CNTN4: variants seen among roughly 807,000 people sequenced by gnomAD.
CNTN4 encodes contactin 4.
Under a neutral mutation model 122.5 loss-of-function variants are expected in CNTN4, and 77 were observed. The observed-to-expected ratio is 0.63, with a 90% CI of 0.52 to 0.76. The LOEUF (loss-of-function observed/expected upper bound fraction) is 0.76. CNTN4 is among the 30% of genes least tolerant of loss of function. The pLI is 0.00. For synonymous variants in CNTN4, 512 were observed against 447.0 expected (o/e 1.15, Z -1.83); for missense variants, 1,256 against 1,259.1 (o/e 1.00, Z 0.04).
chr3:2,819,414 A>G, intron 6 of CNTN4, 72 bp from the exon 7 acceptor site: 1 of 1,176,384 alleles, frequency 8.5e-7, no homozygotes, highest in Non-Finnish European at 1.3e-6. Context: ...TCTCTTTTGA[A>G]ATAGTGGTAC....
chr3:2,131,380 A>G (rs2034445215), intron 2 of CNTN4, among the ~76,000 whole-genome samples: 1 of 152,204 alleles, frequency 6.6e-6, no homozygotes, highest in East Asian at 1.9e-4. Flanking sequence ...GTATCAGGTG[A>G]TGGAGTATCA....
rs370601336 is a variant in CNTN4 at position 2,276,526 on chromosome 3, G to C, written c.-144-62652G>C. Among the ~76,000 whole-genome samples, 5 of 152,228 alleles carry C rather than the reference G, an allele frequency of 3.3e-5. No homozygotes were observed. In the East Asian group the frequency reaches 9.7e-4, roughly 29 times the overall value. ...AAATTTGTCATGCTGGGTCAATTAA[G>C]TGGTAGGTATTTAGAAAGTAAGACT... On this transcript the variant is annotated intron_variant, in intron 2 of 24. Coordinates refer to ENST00000418658, the MANE Select transcript of CNTN4 (RefSeq NM_175607.3).
chr3:2,335,123 G>C (rs1034592433), intron 2 of CNTN4, among the ~76,000 whole-genome samples: 1 of 152,138 alleles, frequency 6.6e-6, no homozygotes, highest in Non-Finnish European at 1.5e-5. Flanking sequence ...TTTGTTCAAA[G>C]ATTGGACCCA....
At chr3:2,234,955 A>G (rs2039624865) in intron 2 of CNTN4, among the ~76,000 whole-genome samples, 1 of 152,136 alleles carries the variant, frequency 6.6e-6, no homozygotes, top group Non-Finnish European at 1.5e-5. Context: ...CTTGCTTTGA[A>G]CAGTATTGCC....
intron 13 of CNTN4, among the ~76,000 whole-genome samples, chr3:2,955,117 A>G (rs982740143): frequency 1.3e-5 from 2 of 152,202 alleles, no homozygotes; most frequent in Non-Finnish European, 1.5e-5. Context: ...CTTATGAAAC[A>G]TTACAAAGTT....
At chr3:2,413,139 C>G (rs1427059204) in intron 3 of CNTN4, among the ~76,000 whole-genome samples, 1 of 152,182 alleles carries the variant, frequency 6.6e-6, no homozygotes, top group East Asian at 1.9e-4. Context: ...ACTGTCTTCT[C>G]TAACCAAAAT....
intron 3 of CNTN4, among the ~76,000 whole-genome samples, chr3:2,521,549 G>A (rs2077220390): frequency 6.6e-6 from 1 of 151,992 alleles, no homozygotes; most frequent in African/African-American, 2.4e-5. Flanking sequence ...TTTTGAACAA[G>A]TTTTACAACT....
chr3:2,767,192 A>G (rs1319832856), intron 6 of CNTN4, among the ~76,000 whole-genome samples: 2 of 152,248 alleles, frequency 1.3e-5, no homozygotes, highest in African/African-American at 2.4e-5. Context: ...AAGTCTTCAC[A>G]CTTTAGAGCT....
intron 13 of CNTN4, among the ~76,000 whole-genome samples, chr3:2,983,212 T>A (rs773260388): frequency 2.9e-5 from 1 of 34,358 alleles, no homozygotes; most frequent in Non-Finnish European, 5.3e-5. Context: ...AGACTCCATC[T>A]CAAAAAAAAA....
intron 4 of CNTN4, among the ~76,000 whole-genome samples, chr3:2,579,409 C>CA (rs1462661041): frequency 3.3e-5 from 5 of 152,268 alleles, no homozygotes; most frequent in Non-Finnish European, 7.4e-5. Context: ...GGTATCATGC[C>CA]AAAAACACCA....
chr3:2,880,291 T>G (rs2093892249), intron 8 of CNTN4, among the ~76,000 whole-genome samples: 1 of 152,208 alleles, frequency 6.6e-6, no homozygotes, highest in Admixed American at 6.5e-5. Flanking sequence ...CTCATCTCCC[T>G]CTAACACATG....
intron 3 of CNTN4, among the ~76,000 whole-genome samples, chr3:2,471,615 TAA>T (rs1346371736): frequency 3.3e-5 from 5 of 152,192 alleles, no homozygotes; most frequent in Non-Finnish European, 7.3e-5. Context: ...GTTAAACTTG[TAA>T]ATCATCTGGC....
At chr3:2,421,961 TAA>T (rs35895426) in intron 3 of CNTN4, among the ~76,000 whole-genome samples, 1 of 145,636 alleles carries the variant, frequency 6.9e-6, no homozygotes, top group South Asian at 2.1e-4. Context: ...ATGTCATTCA[TAA>T]AAAAAAAAAA....
intron 3 of CNTN4, among the ~76,000 whole-genome samples, chr3:2,358,782 G>A (rs865932182): frequency 2.6e-5 from 4 of 152,120 alleles, no homozygotes; most frequent in African/African-American, 7.2e-5. Context: ...CTACTATGCT[G>A]GAGTTTTGTA....
intron 2 of CNTN4, among the ~76,000 whole-genome samples, chr3:2,222,886 A>C (rs2039115913): frequency 6.6e-6 from 1 of 152,170 alleles, no homozygotes; most frequent in Non-Finnish European, 1.5e-5. Context: ...ATGTTTGTCC[A>C]CATTGTTTAT....
chr3:2,837,221 C>T (rs1394196533), intron 7 of CNTN4, among the ~76,000 whole-genome samples: 1 of 152,178 alleles, frequency 6.6e-6, no homozygotes, highest in African/African-American at 2.4e-5. Context: ...TTTGTACTAG[C>T]CTTTCGGGGA....
chr3:2,338,882 A>G (rs1455800620), intron 2 of CNTN4, among the ~76,000 whole-genome samples: 1 of 152,122 alleles, frequency 6.6e-6, no homozygotes, highest in African/African-American at 2.4e-5. Context: ...TGAATGCCAT[A>G]AAATATTGCA....
chr3:2,605,542 C>T (rs1308165300), intron 4 of CNTN4, among the ~76,000 whole-genome samples: 3 of 151,926 alleles, frequency 2.0e-5, no homozygotes, highest in African/African-American at 4.8e-5. Context: ...TATAGGGTGG[C>T]AGTGATGGAA....
chr3:2,405,244 C>T (rs2046991977), intron 3 of CNTN4, among the ~76,000 whole-genome samples: 1 of 152,104 alleles, frequency 6.6e-6, no homozygotes, highest in East Asian at 1.9e-4. Flanking sequence ...ACATATATTT[C>T]CAAGCTTTGT....
Sources: gnomAD v4.1 joint callset for allele counts (sites outside exome capture counted in the v4.1 genomes callset) on GRCh38, gnomAD v4.1.1 for gene constraint, MANE v1.5 for transcripts, NCBI Gene and HGNC (gene_info 2026-07-23, HGNC 2026-07-21) for gene names.